Variants in GPHN observed in about 807,000 individuals in gnomAD.
GPHN encodes gephyrin.
In GPHN, 17 loss-of-function variants were observed where a neutral mutation model predicts 95.5. The ratio of observed to expected loss-of-function variants is 0.18; its 90% CI spans 0.12 to 0.27. GPHN has a LOEUF of 0.27. Among genes scored for constraint, GPHN ranks in the 10% least tolerant of loss-of-function variants. The pLI is 1.00. For missense variants in GPHN, 660 were observed against 978.1 expected, an observed-to-expected ratio of 0.67 and a Z score of 4.34; for synonymous variants, 320 against 322.5, an observed-to-expected ratio of 0.99 and a Z score of 0.08.
chr14:66,649,600 T>A (rs1182763306), intron 1 of GPHN, among the ~76,000 whole-genome samples: 3 of 152,168 alleles, frequency 2.0e-5, no homozygotes, highest in Admixed American at 2.0e-4. Context: ...GGTTGTGCAC[T>A]CCTTATGAGA....
intron 4 of GPHN, among the ~76,000 whole-genome samples, chr14:66,843,364 G>T (rs1171356423): frequency 6.6e-6 from 1 of 152,124 alleles, no homozygotes; most frequent in Non-Finnish European, 1.5e-5. Context: ...CCCAATCTAT[G>T]CCTGTAACAC....
At chr14:66,987,993 T>C (rs2071138877) in intron 9 of GPHN, among the ~76,000 whole-genome samples, 1 of 152,116 alleles carries the variant, frequency 6.6e-6, no homozygotes, top group South Asian at 2.1e-4. Flanking sequence ...GAAAGGATAC[T>C]CTCTCAGAGT....
intron 2 of GPHN, among the ~76,000 whole-genome samples, chr14:66,751,629 C>T (rs1054823112): frequency 2.6e-5 from 4 of 152,014 alleles, no homozygotes; most frequent in East Asian, 1.9e-4. Context: ...AATTTTCTCC[C>T]GTTCTGTAGG....
chr14:67,033,907 C>A (rs1474668963), intron 10 of GPHN, among the ~76,000 whole-genome samples: 2 of 152,148 alleles, frequency 1.3e-5, no homozygotes, highest in African/African-American at 4.8e-5. Context: ...CAGAAGGGAG[C>A]AGTACGTTAT....
intron 9 of GPHN, among the ~76,000 whole-genome samples, chr14:67,006,457 G>C (rs149953500): frequency 6.6e-6 from 1 of 152,070 alleles, no homozygotes; most frequent in African/African-American, 2.4e-5. Context: ...ATCTAATTCT[G>C]TTTGGGCTAC....
In GPHN at chr14:66,627,835, T is replaced by C. The variant is rs75469396; in HGVS notation, c.65-53272T>C. On this transcript the variant is annotated intron_variant, in intron 1 of 22. Transcript: ENST00000478722. ...TTCTCTCTTTGTCTGCTTTCACTAA[T>C]AATGGTGTGCTTCTAATTACCTAGT... Among the ~76,000 whole-genome samples the C allele has an allele frequency of 6.9e-4, 105 of 152,276 alleles. 1 individual carries two copies. The East Asian group carries it at 0.02, about 29-fold the overall frequency.
the GPHN span, among the ~76,000 whole-genome samples, chr14:67,519,463 A>G: frequency 1.3e-5 from 2 of 152,194 alleles, no homozygotes; most frequent in Non-Finnish European, 2.9e-5. Context: ...GCTCAAGCAT[A>G]AAGAGTCAAA....
At chr14:67,292,569 G>A in the GPHN span, 1 of 1,613,572 alleles carries the variant, frequency 6.2e-7, no homozygotes, top group Non-Finnish European at 8.5e-7. Context: ...TAGATTCTCA[G>A]AGCCAGGAGG....
the GPHN span, among the ~76,000 whole-genome samples, chr14:67,452,325 CAAAA>C: frequency 1.9e-5 from 2 of 107,910 alleles, no homozygotes; most frequent in Non-Finnish European, 2.0e-5. Flanking sequence ...GACTCTGTCT[CAAAA>C]AAAAAAAAAA....
chr14:67,363,590 G>T, the GPHN span, among the ~76,000 whole-genome samples: 1 of 152,144 alleles, frequency 6.6e-6, no homozygotes, highest in Non-Finnish European at 1.5e-5. Context: ...CCTGTTAGCA[G>T]TATGTGAAAG....
the GPHN span, chr14:67,722,326 T>TG: frequency 2.2e-6 from 1 of 459,648 alleles, no homozygotes; most frequent in Non-Finnish European, 4.0e-6. Flanking sequence ...CAATTGAGGA[T>TG]GGGGGGTTTA....
chr14:66,773,818 C>G (rs896446184), intron 2 of GPHN, among the ~76,000 whole-genome samples: 3 of 152,108 alleles, frequency 2.0e-5, no homozygotes, highest in African/African-American at 7.2e-5. Context: ...GAAATCCTCT[C>G]ACCTTGGATT....
At chr14:67,267,969 TATTC>T in the GPHN span, among the ~76,000 whole-genome samples, 1 of 152,238 alleles carries the variant, frequency 6.6e-6, no homozygotes, top group African/African-American at 2.4e-5. Flanking sequence ...ATTTTTTATT[TATTC>T]ATTCCCAGCT....
In GPHN at chr14:66,909,883, A is replaced by G. The variant is rs1009771852; in HGVS notation, c.390-6120A>G. Among the ~76,000 whole-genome samples, 8 of 152,090 alleles carry G rather than the reference A, an allele frequency of 5.3e-5. No individual in the cohort carries two copies. In the East Asian group the frequency reaches 1.4e-3, roughly 26 times the overall value. On this transcript the variant is annotated intron_variant, in intron 5 of 22. Transcript: ENST00000478722. ...TTAGAAGTAATGGAAGAGTTCATCAAGTTTGTTGGATAGAAGATCAGGATA... is the reference window on the plus strand; with the variant it reads ...TTAGAAGTAATGGAAGAGTTCATCAGGTTTGTTGGATAGAAGATCAGGATA...
chr14:66,812,069 G>A (rs771628385), intron 3 of GPHN, among the ~76,000 whole-genome samples: 4 of 152,164 alleles, frequency 2.6e-5, no homozygotes, highest in African/African-American at 4.8e-5. Context: ...TACAAGAATG[G>A]TTTGGGAAAA....
intron 1 of GPHN, among the ~76,000 whole-genome samples, chr14:66,513,252 T>C (rs1191191201): frequency 6.6e-6 from 1 of 151,790 alleles, no homozygotes; most frequent in African/African-American, 2.4e-5. Flanking sequence ...GACTTCAAAG[T>C]GAATATACTT....
At chr14:67,725,013 C>G in the GPHN span, 2 of 1,450,728 alleles carry the variant, frequency 1.4e-6, no homozygotes, top group Non-Finnish European at 1.9e-6. Context: ...AATGAATGCT[C>G]TGTCCCCCAG....
chr14:67,237,046 C>T, the GPHN span, among the ~76,000 whole-genome samples: 2 of 152,028 alleles, frequency 1.3e-5, no homozygotes, highest in African/African-American at 2.4e-5. Flanking sequence ...GCCAAGATCA[C>T]ACCACTGTAC....
At chr14:67,089,852 C>T (rs777053112) in intron 12 of GPHN, among the ~76,000 whole-genome samples, 7 of 152,146 alleles carry the variant, frequency 4.6e-5, no homozygotes, top group Non-Finnish European at 8.8e-5. Flanking sequence ...ATTTTTCTGC[C>T]TAAATTCCAA....
Sources: allele counts gnomAD v4.1 joint callset (sites outside exome capture counted in the v4.1 genomes callset), GRCh38; gene constraint gnomAD v4.1.1; transcripts MANE v1.5; gene names NCBI Gene and HGNC (gene_info 2026-07-23, HGNC 2026-07-21).